Variants in LRP1B observed in about 807,000 individuals in gnomAD.
LRP1B encodes the protein LDL receptor related protein 1B.
LRP1B carries 217 observed loss-of-function variants against 556.6 expected under a neutral mutation model. The observed-to-expected ratio is 0.39, with a 90% CI of 0.35 to 0.44. LRP1B has a LOEUF of 0.44. LRP1B is among the 20% of genes least tolerant of loss of function. The pLI is 1.00. For missense variants in LRP1B, 5,053 were observed against 5,620.8 expected, an observed-to-expected ratio of 0.90 and a Z score of 3.23; for synonymous variants, 2,047 against 1,865.8, an observed-to-expected ratio of 1.10 and a Z score of -2.50.
chr2:140,396,877 C>G (rs902753623), intron 66 of LRP1B, among the ~76,000 whole-genome samples: 1 of 152,114 alleles, frequency 6.6e-6, no homozygotes, highest in Non-Finnish European at 1.5e-5. Flanking sequence ...TTTTGGTTGT[C>G]AGCACTGATT....
intron 2 of LRP1B, among the ~76,000 whole-genome samples, chr2:141,691,461 AGC>A (rs1262899094): frequency 1.8e-5 from 1 of 56,504 alleles, no homozygotes; most frequent in African/African-American, 9.1e-5. Context: ...CCAGGTAATC[AGC>A]CAACACACAC....
chr2:141,269,674 G>A (rs935493757), intron 3 of LRP1B, among the ~76,000 whole-genome samples: 2 of 152,052 alleles, frequency 1.3e-5, no homozygotes, highest in Non-Finnish European at 2.9e-5. Flanking sequence ...ACCCCACTGT[G>A]GAAGGAAAGG....
chr2:141,190,765 G>T (rs1681469518), intron 6 of LRP1B, among the ~76,000 whole-genome samples: 1 of 151,862 alleles, frequency 6.6e-6, no homozygotes, highest in South Asian at 2.1e-4. Context: ...AACTTAGAAT[G>T]AATCTATGAT....
intron 7 of LRP1B, among the ~76,000 whole-genome samples, chr2:141,101,677 G>T (rs139391434): frequency 2.6e-5 from 4 of 152,206 alleles, no homozygotes; most frequent in African/African-American, 9.6e-5. Context: ...ATGAAAGAAA[G>T]ATTTTTTTCT....
chr2:141,629,742 T>C (rs1019676835), intron 2 of LRP1B, among the ~76,000 whole-genome samples: 2 of 152,126 alleles, frequency 1.3e-5, no homozygotes, highest in Admixed American at 6.5e-5. Flanking sequence ...ATTTTGGGAA[T>C]TGGACTTCAC....
Position 142,058,020 on chromosome 2 carries a change from C to T in LRP1B, c.82+72628G>A, listed in dbSNP as rs143638652. ...CTGAAGGAAAGGATGTTTGCTCTAT[C>T]GACCAATAAGACAACACAAGGTGTC... On this transcript the variant is annotated intron_variant, in intron 1 of 90. Coordinates refer to ENST00000389484, the MANE Select transcript of LRP1B (RefSeq NM_018557.3). 2.0e-3 allele frequency among the ~76,000 whole-genome samples: 310 copies of T among 152,228 alleles called. 2 individuals are homozygous for T. The highest frequency in any genetic ancestry group is 6.7e-3 in the African/African-American group (280 of 41,560).
chr2:141,256,621 C>G (rs1262951274), intron 3 of LRP1B, among the ~76,000 whole-genome samples: 2 of 151,868 alleles, frequency 1.3e-5, no homozygotes, highest in Non-Finnish European at 2.9e-5. Flanking sequence ...TGAATCTTTG[C>G]CTAGAAAGAT....
chr2:142,018,380 T>C (rs752013005), intron 1 of LRP1B, among the ~76,000 whole-genome samples: 2 of 152,182 alleles, frequency 1.3e-5, no homozygotes, highest in Non-Finnish European at 2.9e-5. Flanking sequence ...CTTTATAACA[T>C]ATGATAGAAG....
chr2:140,652,808 G>A (rs1245866890), intron 41 of LRP1B, among the ~76,000 whole-genome samples: 1 of 151,780 alleles, frequency 6.6e-6, no homozygotes, highest in Non-Finnish European at 1.5e-5. Flanking sequence ...TCTTGATAAT[G>A]GAAAAAAATA....
In LRP1B at chr2:141,063,367, G is replaced by A. The variant is rs912191756; in HGVS notation, c.1014-1094C>T. 5.3e-5 allele frequency among the ~76,000 whole-genome samples: 8 copies of A among 151,876 alleles called. No individual in the cohort carries two copies. The South Asian group carries it at 1.2e-3, about 24-fold the overall frequency. ...TAATTTTAATTTAGTTCTCTCTGCT[G>A]TAGGAGACATTGACTAATTTTTAAA... On this transcript the variant is annotated intron_variant, in intron 7 of 90. Coordinates refer to ENST00000389484, the MANE Select transcript of LRP1B (RefSeq NM_018557.3).
chr2:140,506,335 C>G lies in LRP1B; in HGVS notation c.8521+461G>C, dbSNP rs2104905216. Among the ~76,000 whole-genome samples the G allele has an allele frequency of 1.3e-5, 2 of 150,284 alleles. 1 individual carries two copies. Among genetic ancestry groups the G allele is most frequent in the South Asian group, 4.2e-4 (2 of 4,764 alleles). ...TCTCGGCTCACTGCGACCTCTACTT[C>G]CTGGGTACAAGCAATTCTCCTGCCT... On this transcript the variant is annotated intron_variant, in intron 53 of 90. Coordinates refer to ENST00000389484, the MANE Select transcript of LRP1B (RefSeq NM_018557.3).
intron 3 of LRP1B, among the ~76,000 whole-genome samples, chr2:141,408,338 G>A (rs758951527): frequency 7.2e-5 from 11 of 151,862 alleles, no homozygotes; most frequent in African/African-American, 9.7e-5. Context: ...TAGAGATGGC[G>A]TTTCACCATG....
At chr2:141,080,370 T>C (rs943886399) in intron 7 of LRP1B, among the ~76,000 whole-genome samples, 3 of 152,184 alleles carry the variant, frequency 2.0e-5, no homozygotes, top group Non-Finnish European at 4.4e-5. Flanking sequence ...CTGGTTCTGT[T>C]TTTTCTGCAT....
intron 1 of LRP1B, among the ~76,000 whole-genome samples, chr2:141,811,372 C>G (rs1696350976): frequency 6.6e-6 from 1 of 151,398 alleles, no homozygotes; most frequent in South Asian, 2.1e-4. Context: ...CAATAAATAT[C>G]AAATAAAAAT....
chr2:140,410,091 G>A (rs763952549), intron 66 of LRP1B, among the ~76,000 whole-genome samples: 2 of 151,828 alleles, frequency 1.3e-5, no homozygotes, highest in African/African-American at 2.4e-5. Context: ...AGATAAATAC[G>A]GACAACATTG....
rs183801206 is a variant in LRP1B at position 140,894,965 on chromosome 2, C to T, written c.3766+7955G>A. 7.6e-3 allele frequency among the ~76,000 whole-genome samples: 1,139 copies of T among 150,170 alleles called. 15 individuals are homozygous for T. The highest frequency in any genetic ancestry group is 0.025 in the African/African-American group (1,032 of 40,856). On this transcript the variant is annotated intron_variant, in intron 23 of 90. Coordinates refer to ENST00000389484, the MANE Select transcript of LRP1B (RefSeq NM_018557.3). ...CTCAAAAAAAAAAAAAAAATTGATA[C>T]AGTTGGAGATGTAAATGCCACAGTA...
chr2:141,609,328 G>A (rs927136551), intron 2 of LRP1B, among the ~76,000 whole-genome samples: 8 of 152,094 alleles, frequency 5.3e-5, no homozygotes, highest in African/African-American at 1.9e-4. Flanking sequence ...GAAAACATGG[G>A]TCATGGCCTC....
At position 140,709,480 on chromosome 2, in the gene LRP1B, A is replaced by AGAG. The variant is rs548380469; in HGVS notation, c.6023+6490_6023+6492dup. On this transcript the variant is annotated intron_variant, in intron 37 of 90. Coordinates refer to ENST00000389484, the MANE Select transcript of LRP1B (RefSeq NM_018557.3). The stretch of plus-strand genomic sequence containing the variant: ...AAGAAGAAGAAGAAGAGGAAGAGGA[A>AGAG]GAGGAGGAGGAGGAGGAGGAACAAG... Among the ~76,000 whole-genome samples the AGAG allele has an allele frequency of 9.9e-5, 15 of 151,104 alleles. 1 individual carries two copies. The highest frequency in any genetic ancestry group is 2.1e-4 in the Non-Finnish European group (14 of 67,634).
At chr2:140,238,362 T>C (rs1320867911) in intron 88 of LRP1B, 66 bp from the exon 89 acceptor site, 3 of 778,778 alleles carry the variant, frequency 3.9e-6, no homozygotes, top group Non-Finnish European at 5.9e-6. Context: ...CATATGAAAT[T>C]ATATTTATAG....
Sources: gnomAD v4.1 joint callset for allele counts (sites outside exome capture counted in the v4.1 genomes callset) on GRCh38, gnomAD v4.1.1 for gene constraint, MANE v1.5 for transcripts, NCBI Gene and HGNC (gene_info 2026-07-23, HGNC 2026-07-21) for gene names.